The following NLRP7 variants were observed in gnomAD, a reference collection of about 807,000 sequenced individuals.
NLRP7 encodes the protein NACHT, LRR and PYD domains-containing protein 7.
NLRP7 carries 72 observed loss-of-function variants against 85.5 expected under a neutral mutation model. That is an observed-to-expected ratio of 0.84 (90% CI 0.70 to 1.02). The LOEUF (loss-of-function observed/expected upper bound fraction) is 1.02, where lower values mean the gene tolerates loss of function less well. Among genes scored for constraint, NLRP7 ranks in the 50% least tolerant of loss-of-function variants. The pLI is 0.00. For synonymous variants in NLRP7, 550 were observed against 505.2 expected (o/e 1.09, Z -1.19); for missense variants, 1,243 against 1,219.5 (o/e 1.02, Z -0.29).
In NLRP7 at chr19:54,962,030, G is replaced by T. The variant is rs547125749; in HGVS notation, c.-77+4010C>A. Among the ~76,000 whole-genome samples, 4 of 150,204 alleles carry T rather than the reference G, an allele frequency of 2.7e-5. No individual in the cohort carries two copies. The East Asian group carries it at 6.1e-4, about 23-fold the overall frequency. On this transcript the variant is annotated intron_variant, in intron 1 of 2. Coordinates refer to the NLRP7 transcript ENST00000587103. ...ACTACAAAATTAGCCGGGCGTGGTG[G>T]TACATGCCTGTAATCCCAGCTACAC...
chr19:54,945,215 C>T (rs1417866136), intron 1 of NLRP7, among the ~76,000 whole-genome samples: 1 of 147,766 alleles, frequency 6.8e-6, no homozygotes, highest in African/African-American at 2.5e-5. Flanking sequence ...TGCACTCCAG[C>T]CTGGGCGAGT....
At chr19:54,943,206 A>G (rs527649541) in intron 1 of NLRP7, among the ~76,000 whole-genome samples, 17 of 151,318 alleles carry the variant, frequency 1.1e-4, no homozygotes, top group African/African-American at 3.9e-4. Flanking sequence ...GATACTTGGG[A>G]GGCTGACACA....
At chr19:54,943,610 G>C (rs367857940) in intron 1 of NLRP7, among the ~76,000 whole-genome samples, 3 of 144,116 alleles carry the variant, frequency 2.1e-5, no homozygotes, top group East Asian at 1.9e-4. Context: ...GGGTTGGGGG[G>C]GCGGGGGGAA....
At chr19:54,932,641 G>A (rs544599279) in intron 8 of NLRP7, among the ~76,000 whole-genome samples, 2 of 152,042 alleles carry the variant, frequency 1.3e-5, no homozygotes, top group African/African-American at 4.8e-5. Context: ...TACAAATAAG[G>A]ATTTTTGTTG....
upstream of NLRP7, among the ~76,000 whole-genome samples, chr19:54,952,153 C>G (rs1390805588): frequency 3.9e-5 from 6 of 152,052 alleles, no homozygotes; most frequent in African/African-American, 1.4e-4. Context: ...TTTTTCAGAC[C>G]TTGAATTCCA....
intron 1 of NLRP7, among the ~76,000 whole-genome samples, chr19:54,961,803 G>A (rs189646483): frequency 6.7e-6 from 1 of 149,268 alleles, no homozygotes; most frequent in Admixed American, 6.7e-5. Flanking sequence ...CAGAGCGAGA[G>A]TCTGTCTCAA....
intron 9 of NLRP7, among the ~76,000 whole-genome samples, chr19:54,927,997 G>A (rs1461821766): frequency 6.6e-6 from 1 of 152,196 alleles, no homozygotes; most frequent in Non-Finnish European, 1.5e-5. Flanking sequence ...GGAGGCCGAG[G>A]AGGGTAGATC....
chr19:54,927,166 C>T (rs2068478762), intron 9 of NLRP7, among the ~76,000 whole-genome samples: 2 of 150,216 alleles, frequency 1.3e-5, no homozygotes, highest in South Asian at 2.1e-4. Flanking sequence ...AGGCAGGTGG[C>T]TCACCTGAGG....
At chr19:54,938,220 C>T (rs370874996) in exon 5 of NLRP7, 41 of 1,613,996 alleles carry the variant, frequency 2.5e-5, no homozygotes, top group African/African-American at 2.4e-4. Context: ...GAGCCCAGTT[C>T]GGAATGGTTA....
chr19:54,959,286 A>G (rs1463428467), intron 1 of NLRP7, among the ~76,000 whole-genome samples: 3 of 140,534 alleles, frequency 2.1e-5, no homozygotes, highest in African/African-American at 5.3e-5. Flanking sequence ...TTACAGGCGC[A>G]CGCCACCATG....
chr19:54,947,972 C>T (rs553695902), upstream of NLRP7: 9 of 236,214 alleles, frequency 3.8e-5, no homozygotes, highest in East Asian at 9.5e-4. Context: ...GTGGTGCCTC[C>T]TGCCTATAAA....
At chr19:54,961,145 G>A (rs921924393) in intron 1 of NLRP7, among the ~76,000 whole-genome samples, 13 of 151,962 alleles carry the variant, frequency 8.6e-5, no homozygotes, top group Admixed American at 7.9e-4. Context: ...AGGCCAAGGC[G>A]GGAGGGCCAT....
At chr19:54,944,125 C>T (rs146443323) in intron 1 of NLRP7, among the ~76,000 whole-genome samples, 5 of 152,068 alleles carry the variant, frequency 3.3e-5, no homozygotes, top group Non-Finnish European at 5.9e-5. Context: ...AAGACCAGAC[C>T]GTACCCCAGC....
intron 8 of NLRP7, among the ~76,000 whole-genome samples, chr19:54,933,165 A>C (rs2068747765): frequency 6.6e-6 from 1 of 151,804 alleles, no homozygotes; most frequent in African/African-American, 2.4e-5. Context: ...TGTTTTTTTG[A>C]GAAGGAGTCT....
chr19:54,954,175 A>G (rs1300432873), intron 1 of NLRP7, among the ~76,000 whole-genome samples: 1 of 148,836 alleles, frequency 6.7e-6, no homozygotes, highest in African/African-American at 2.5e-5. Flanking sequence ...ATGCTGTCTA[A>G]AAAGGGGAGG....
chr19:54,946,154 G>A (rs1183426741), intron 1 of NLRP7, among the ~76,000 whole-genome samples: 3 of 151,604 alleles, frequency 2.0e-5, no homozygotes, highest in African/African-American at 7.3e-5. Flanking sequence ...TGATCCACCC[G>A]CCTCGGCCTC....
intron 1 of NLRP7, among the ~76,000 whole-genome samples, chr19:54,946,371 C>G (rs1482662656): frequency 6.6e-6 from 1 of 151,640 alleles, no homozygotes; most frequent in African/African-American, 2.4e-5. Flanking sequence ...GCCACCACGC[C>G]CAGCTAATTT....
exon 4 of NLRP7, chr19:54,939,194 A>G: frequency 6.2e-7 from 1 of 1,614,212 alleles, no homozygotes; most frequent in Non-Finnish European, 8.5e-7. Flanking sequence ...GTCCGGTGAC[A>G]TCCGGCAGCC....
intron 1 of NLRP7, among the ~76,000 whole-genome samples, chr19:54,964,040 C>A (rs531501229): frequency 1.3e-5 from 2 of 149,344 alleles, no homozygotes; most frequent in Admixed American, 1.3e-4. Flanking sequence ...CCACCACGCC[C>A]GACTAATTTT....
Sources: allele counts gnomAD v4.1 joint callset (sites outside exome capture counted in the v4.1 genomes callset), GRCh38; gene constraint gnomAD v4.1.1; transcripts MANE v1.5; gene names NCBI Gene and HGNC (gene_info 2026-07-23, HGNC 2026-07-21).